Variants in CEACAM20 observed in about 807,000 individuals in gnomAD.
The protein encoded by CEACAM20 is CEA cell adhesion molecule 20, also known as cell adhesion molecule CEACAM20.
CEACAM20 carries 50 observed loss-of-function variants against 61.2 expected under a neutral mutation model. The observed-to-expected ratio is 0.82, with a 90% confidence interval of 0.65 to 1.03. CEACAM20 has a LOEUF of 1.03. CEACAM20 is among the 50% of genes least tolerant of loss of function. The probability of loss-of-function intolerance (pLI) is 0.00; values close to 1 mark genes in which losing one functional copy is unlikely to be tolerated. For synonymous variants in CEACAM20, 282 were observed against 287.7 expected (o/e 0.98, Z 0.20); for missense variants, 683 against 736.4 (o/e 0.93, Z 0.84).
intron 4 of CEACAM20, among the ~76,000 whole-genome samples, chr19:44,522,008 G>C (rs1400699433): frequency 1.3e-5 from 2 of 152,176 alleles, no homozygotes; most frequent in Admixed American, 6.5e-5. Context: ...AAAGGAGCCA[G>C]TGTGCCCAGC....
chr19:44,524,958 G>A (rs1184491429), intron 2 of CEACAM20, 143 bp downstream of exon 2: 1 of 1,053,070 alleles, frequency 9.5e-7, no homozygotes, highest in Non-Finnish European at 1.4e-6. Flanking sequence ...CCTGACCCCT[G>A]GCACAGCTGA....
intron 11 of CEACAM20, among the ~76,000 whole-genome samples, chr19:44,508,536 C>T (rs891259020): frequency 1.3e-5 from 2 of 152,072 alleles, no homozygotes; most frequent in Admixed American, 1.3e-4. Context: ...ATTACAGGTG[C>T]CTGCCACCAT....
rs1275869553 is a variant in CEACAM20, at chr19:44,506,191, G to A, written c.1761C>T (p.Asn587=). Residue 587 remains asparagine, a synonymous_variant, in exon 12 of 12, where the codon AAC becomes AAT. Coordinates refer to ENST00000614924, the MANE Select transcript of CEACAM20 (RefSeq NM_001102597.3). ...CGGAGGGGTTGATTTGGATGTAAGTGTTGGGCTCTGGATTCACAAGCTCCT... is the reference window on the plus strand; with the variant it reads ...CGGAGGGGTTGATTTGGATGTAAGTATTGGGCTCTGGATTCACAAGCTCCT... ...IYEELVNPEP[N]TYIQINPSV is the part of the protein sequence containing the mutation. 40 of 1,613,734 alleles carry A rather than the reference G, an allele frequency of 2.5e-5. No homozygotes were observed. The Admixed American group carries it at 6.7e-4, about 27-fold the overall frequency.
intron 11 of CEACAM20, among the ~76,000 whole-genome samples, chr19:44,510,103 TA>T (rs1213931408): frequency 7.5e-5 from 11 of 146,606 alleles, no homozygotes; most frequent in Non-Finnish European, 1.5e-4. Context: ...AAAGAAAAAA[TA>T]AAAATGGATA....
At chr19:44,508,544 C>A (rs10426691) in intron 11 of CEACAM20, among the ~76,000 whole-genome samples, 40,443 of 152,070 alleles carry the variant, frequency 0.27, 5,782 homozygotes, top group South Asian at 0.34. Context: ...TGCCTGCCAC[C>A]ATGCCCAGCT....
chr19:44,513,286 G>C lies in CEACAM20; in HGVS notation c.1313C>G (p.Pro438Arg), dbSNP rs1568448602. The change falls in exon 7 of 12, where the codon CCC becomes CGC. Residue 438 changes from proline to arginine, a missense_variant. By Grantham distance (103) the Pro-to-Arg change is moderately radical. Transcript: ENST00000614924. ...STSVLVKVVG[P>R]QSSSLSSGAI... ...CCCTGAGGACAGGGAGGAGGACTGG[G>C]GACCTGGGCAAGGAGACAGAATCAA... 1.9e-6 allele frequency: 3 copies of C among 1,609,968 alleles called. No homozygotes were observed. The East Asian group carries it at 6.7e-5, about 36-fold the overall frequency.
chr19:44,508,233 T>C (rs1970874592), intron 11 of CEACAM20, among the ~76,000 whole-genome samples: 2 of 152,216 alleles, frequency 1.3e-5, no homozygotes, highest in Non-Finnish European at 2.9e-5. Flanking sequence ...ATTCTTGGAA[T>C]TGGAGTAATC....
intron 1 of CEACAM20, among the ~76,000 whole-genome samples, chr19:44,528,158 T>TTTCTTTCTTTCC (rs1426951753): frequency 5.6e-5 from 7 of 124,830 alleles, no homozygotes; most frequent in African/African-American, 2.0e-4. Flanking sequence ...TCTTTCTTTC[T>TTTCTTTCTTTCC]TTTCTTTCTT....
At chr19:44,508,904 GTATATA>G (rs1461625296) in intron 11 of CEACAM20, among the ~76,000 whole-genome samples, 1 of 152,094 alleles carries the variant, frequency 6.6e-6, no homozygotes, top group African/African-American at 2.4e-5. Flanking sequence ...TTGTAGTGTT[GTATATA>G]AACTGCTTCA....
intron 5 of CEACAM20, among the ~76,000 whole-genome samples, chr19:44,520,189 A>G (rs750502572): frequency 6.6e-6 from 1 of 151,706 alleles, no homozygotes; most frequent in Non-Finnish European, 1.5e-5. Flanking sequence ...CCTCTCCCCC[A>G]CTTCTATGTT....
chr19:44,527,817 C>T (rs903730558), intron 1 of CEACAM20, among the ~76,000 whole-genome samples: 2 of 152,248 alleles, frequency 1.3e-5, no homozygotes, highest in Non-Finnish European at 1.5e-5. Flanking sequence ...CTGCACATGA[C>T]CTGTTGCAAA....
At chr19:44,519,841 G>A (rs1423163819) in intron 5 of CEACAM20, among the ~76,000 whole-genome samples, 1 of 152,164 alleles carries the variant, frequency 6.6e-6, no homozygotes, top group Non-Finnish European at 1.5e-5. Context: ...TCCACAGGCT[G>A]CACCCTGCCA....
chr19:44,521,529 G>A (rs1273109508), intron 4 of CEACAM20, among the ~76,000 whole-genome samples: 1 of 152,080 alleles, frequency 6.6e-6, no homozygotes, highest in African/African-American at 2.4e-5. Flanking sequence ...AGCATTTTGT[G>A]TGTGTGTTGT....
In CEACAM20 at chr19:44,513,304, A is replaced by G; in HGVS notation, c.1310-15T>C. The G allele has an allele frequency of 6.3e-7, 1 of 1,577,446 alleles. No individual in the cohort carries two copies. The highest frequency in any genetic ancestry group is 8.7e-7 in the Non-Finnish European group (1 of 1,147,244). ...GGACTGGGGACCTGGGCAAGGAGAC[A>G]GAATCAAGACCCAGGCTTGACACAC... On this transcript the variant is annotated splice_polypyrimidine_tract_variant and intron_variant, in intron 6 of 11. Transcript: ENST00000614924.
intron 5 of CEACAM20, among the ~76,000 whole-genome samples, chr19:44,517,636 G>T (rs1971206619): frequency 6.6e-6 from 1 of 150,882 alleles, no homozygotes; most frequent in Non-Finnish European, 1.5e-5. Flanking sequence ...GGTGGAGGTT[G>T]CAGTGAGCCA....
At chr19:44,526,373 G>T (rs762178113) in intron 1 of CEACAM20, among the ~76,000 whole-genome samples, 9 of 151,986 alleles carry the variant, frequency 5.9e-5, no homozygotes, top group Non-Finnish European at 1.0e-4. Flanking sequence ...AGCTGGGGGT[G>T]TTGGCCCGCA....
At chr19:44,513,560 C>A (rs1321022146) in intron 6 of CEACAM20, among the ~76,000 whole-genome samples, 1 of 151,664 alleles carries the variant, frequency 6.6e-6, no homozygotes, top group Non-Finnish European at 1.5e-5. Context: ...CCTCAGCCTC[C>A]CCTAGTAGCT....
At chr19:44,513,344 C>A in intron 6 of CEACAM20, 55 bp from the exon 7 acceptor site, 1 of 1,179,104 alleles carries the variant, frequency 8.5e-7, no homozygotes. Flanking sequence ...ATCCCTGCTC[C>A]CAGCCCGTTC....
chr19:44,525,440 G>GTGTTTT (rs760281989), intron 1 of CEACAM20, among the ~76,000 whole-genome samples, 196 bp from the exon 2 acceptor site: 3 of 151,850 alleles, frequency 2.0e-5, no homozygotes, highest in African/African-American at 7.3e-5. Flanking sequence ...GTTTGTGTAT[G>GTGTTTT]TGTTTTTGTT....
Sources: gnomAD v4.1 joint callset for allele counts (sites outside exome capture counted in the v4.1 genomes callset) on GRCh38, gnomAD v4.1.1 for gene constraint, MANE v1.5 for transcripts, NCBI Gene and HGNC (gene_info 2026-07-23, HGNC 2026-07-21) for gene names.